Variants in RAB38 observed in about 807,000 individuals in gnomAD.
The protein encoded by RAB38 is RAB38, member RAS oncogene family, also known as ras-related protein Rab-38.
Under a neutral mutation model 18.4 loss-of-function variants are expected in RAB38, and 15 were observed. The ratio of observed to expected loss-of-function variants is 0.82; its 90% CI spans 0.55 to 1.26. The LOEUF (loss-of-function observed/expected upper bound fraction) is 1.26. Ranked by LOEUF, RAB38 falls within the 50% of genes most tolerant of loss-of-function variation. The pLI is 0.00. For missense variants in RAB38, 294 were observed against 267.4 expected (o/e 1.10, Z -0.69); for synonymous variants, 101 against 104.4 (o/e 0.97, Z 0.20).
the RAB38 span, among the ~76,000 whole-genome samples, chr11:87,812,755 G>A: frequency 8.6e-4 from 131 of 152,252 alleles, no homozygotes; most frequent in African/African-American, 2.8e-3. Context: ...GAATCCTCAC[G>A]TCAGTAATTT....
At chr11:87,911,101 T>C in the RAB38 span, among the ~76,000 whole-genome samples, 1 of 151,852 alleles carries the variant, frequency 6.6e-6, no homozygotes, top group Non-Finnish European at 1.5e-5. Flanking sequence ...GTAGATTATG[T>C]ATAAATTTGT....
chr11:87,972,550 G>A, the RAB38 span, among the ~76,000 whole-genome samples: 1 of 151,898 alleles, frequency 6.6e-6, no homozygotes, highest in Non-Finnish European at 1.5e-5. Flanking sequence ...CAGATTTAAA[G>A]GAATCCTCTC....
the RAB38 span, among the ~76,000 whole-genome samples, chr11:88,079,209 G>T: frequency 2.0e-5 from 3 of 151,590 alleles, no homozygotes; most frequent in Non-Finnish European, 4.4e-5. Context: ...GAAGAGAGAA[G>T]AAACAAAACA....
the RAB38 span, among the ~76,000 whole-genome samples, chr11:87,810,981 G>T: frequency 2.0e-5 from 3 of 152,098 alleles, no homozygotes; most frequent in African/African-American, 7.2e-5. Context: ...TTTAGAACAG[G>T]AAAGAAAGGA....
At chr11:87,977,889 A>ATTAATATG in the RAB38 span, among the ~76,000 whole-genome samples, 3 of 111,570 alleles carry the variant, frequency 2.7e-5, no homozygotes, top group East Asian at 2.7e-4. Context: ...AGATGTAGTC[A>ATTAATATG]TAGATTTACA....
At chr11:87,858,946 T>TAA in the RAB38 span, among the ~76,000 whole-genome samples, 37 of 131,890 alleles carry the variant, frequency 2.8e-4, no homozygotes, top group East Asian at 4.4e-4. Flanking sequence ...AAATAAAAAG[T>TAA]AAAAAAAAAA....
At chr11:88,094,686 AC>A in the RAB38 span, among the ~76,000 whole-genome samples, 1 of 151,866 alleles carries the variant, frequency 6.6e-6, no homozygotes, top group Non-Finnish European at 1.5e-5. Context: ...CTAAATTTCC[AC>A]CTACTTTAAC....
At chr11:87,809,197 A>G in the RAB38 span, among the ~76,000 whole-genome samples, 1 of 152,206 alleles carries the variant, frequency 6.6e-6, no homozygotes, top group Non-Finnish European at 1.5e-5. Context: ...AACAATGACA[A>G]AATTCAGCTA....
At chr11:88,108,418 T>A (rs1565205879), downstream of RAB38, among the ~76,000 whole-genome samples, 2 of 152,230 alleles carry the variant, frequency 1.3e-5, no homozygotes, top group Non-Finnish European at 2.9e-5. Context: ...AAAATCTGTT[T>A]TATCAGACAC....
At chr11:87,839,548 C>A in the RAB38 span, among the ~76,000 whole-genome samples, 1 of 152,140 alleles carries the variant, frequency 6.6e-6, no homozygotes, top group East Asian at 1.9e-4. Flanking sequence ...TGTACCAAGA[C>A]CAACTTGGGT....
At chr11:87,887,955 T>C in the RAB38 span, among the ~76,000 whole-genome samples, 2 of 151,932 alleles carry the variant, frequency 1.3e-5, no homozygotes, top group African/African-American at 4.8e-5. Context: ...CATTCTCCCC[T>C]GTACCATCAA....
the RAB38 span, among the ~76,000 whole-genome samples, chr11:87,971,441 T>C: frequency 1.3e-5 from 2 of 152,272 alleles, no homozygotes; most frequent in East Asian, 3.9e-4. Flanking sequence ...CTGCCACTAA[T>C]ATGTCTGCAA....
Position 88,175,292 on chromosome 11 carries a change from G to C in RAB38, c.93C>G (p.His31Gln), listed in dbSNP as rs776708151. ...CCCGGTAGTGCGAAGAGAAGTTCTG[G>C]TGCACGTAGCGCTTGATGATACTGG... ...GKTSIIKRYV[H>Q]QNFSSHYRAT... Residue 31 changes from histidine to glutamine, a missense_variant, in exon 1 of 3, where the codon CAC becomes CAG. Physicochemically the swap from His to Gln is conservative, Grantham distance 24. Transcript: ENST00000243662. 6.2e-7 allele frequency: 1 copy of C among 1,614,212 alleles called. No individual in the cohort carries two copies. The highest frequency in any genetic ancestry group is 2.2e-5 in the East Asian group (1 of 44,874).
the RAB38 span, among the ~76,000 whole-genome samples, chr11:88,029,359 G>A: frequency 8.6e-5 from 13 of 150,484 alleles, no homozygotes; most frequent in Non-Finnish European, 1.8e-4. Flanking sequence ...AAAATGACAG[G>A]ATCAAATTCA....
At chr11:87,900,772 AAG>A in the RAB38 span, among the ~76,000 whole-genome samples, 6 of 151,128 alleles carry the variant, frequency 4.0e-5, no homozygotes, top group South Asian at 4.2e-4. Context: ...GGGAGGGAGG[AAG>A]AGAGAGAAAA....
At chr11:88,031,055 G>A in the RAB38 span, among the ~76,000 whole-genome samples, 5 of 148,392 alleles carry the variant, frequency 3.4e-5, no homozygotes, top group East Asian at 2.0e-4. Context: ...TCATCCCTGG[G>A]ATGCAAGGCT....
the RAB38 span, among the ~76,000 whole-genome samples, chr11:88,094,502 A>G: frequency 6.6e-6 from 1 of 151,906 alleles, no homozygotes; most frequent in Non-Finnish European, 1.5e-5. Context: ...CCTACAATAG[A>G]TTGATCTTAC....
chr11:87,946,750 A>G, the RAB38 span, among the ~76,000 whole-genome samples: 1 of 151,304 alleles, frequency 6.6e-6, no homozygotes, highest in Non-Finnish European at 1.5e-5. Context: ...ATAGTATTCC[A>G]TGGTGTATAT....
At chr11:88,075,661 A>G in the RAB38 span, among the ~76,000 whole-genome samples, 1 of 152,160 alleles carries the variant, frequency 6.6e-6, no homozygotes, top group Non-Finnish European at 1.5e-5. Context: ...TGGGCAGATC[A>G]CTTGAGCTGA....
Sources: gnomAD v4.1 joint callset for allele counts (sites outside exome capture counted in the v4.1 genomes callset) on GRCh38, gnomAD v4.1.1 for gene constraint, MANE v1.5 for transcripts, NCBI Gene and HGNC (gene_info 2026-07-23, HGNC 2026-07-21) for gene names.